ACIN1: variants seen among roughly 807,000 people sequenced by gnomAD.
ACIN1 encodes the protein apoptotic chromatin condensation inducer in the nucleus.
ACIN1 carries 16 observed loss-of-function variants against 146.6 expected under a neutral mutation model. That is an observed-to-expected ratio of 0.11 (90% CI 0.07 to 0.17). ACIN1 has a LOEUF of 0.17. Ranked by LOEUF, ACIN1 falls within the 10% of genes least tolerant of loss-of-function variation. The pLI, the probability that ACIN1 is intolerant of heterozygous loss-of-function variation, is 1.00. For synonymous variants in ACIN1, 569 were observed against 582.7 expected (o/e 0.98, Z 0.34); for missense variants, 1,357 against 1,609.3 (o/e 0.84, Z 2.68).
At chr14:23,069,759 G>A (rs2047572947) in intron 8 of ACIN1, 142 bp from the exon 9 acceptor site, 2 of 736,078 alleles carry the variant, frequency 2.7e-6, no homozygotes, top group Non-Finnish European at 4.3e-6. Context: ...TTCTGATCAA[G>A]GTTAGAGACC....
Position 23,089,968 on chromosome 14 carries a change from A to G in ACIN1, c.436+14T>C. 2.5e-6 allele frequency: 4 copies of G among 1,597,594 alleles called. No individual in the cohort carries two copies. The highest frequency in any genetic ancestry group is 3.4e-6 in the Non-Finnish European group (4 of 1,169,812). On this transcript the variant is annotated intron_variant, in intron 4 of 18. Coordinates refer to ENST00000605057, the MANE Select transcript of ACIN1 (RefSeq NM_001386863.1). ...GGATTGACAAAACAGCGCAGTGGGGAGGGAGATACGTACTGGGCGAATGTC... is the reference window on the plus strand; with the variant it reads ...GGATTGACAAAACAGCGCAGTGGGGGGGGAGATACGTACTGGGCGAATGTC...
At chr14:23,075,440 A>T (rs1369188115) in intron 8 of ACIN1, among the ~76,000 whole-genome samples, 3 of 151,866 alleles carry the variant, frequency 2.0e-5, no homozygotes, top group Non-Finnish European at 4.4e-5. Flanking sequence ...CACTCAACTG[A>T]AACAGGACTG....
chr14:23,071,259 C>G (rs1191015812), intron 8 of ACIN1: 1 of 1,511,706 alleles, frequency 6.6e-7, no homozygotes, highest in African/African-American at 1.4e-5. Flanking sequence ...ACCACACCTT[C>G]CTTGTTCCAA....
At chr14:23,062,803 C>G (rs1043138353) in intron 14 of ACIN1, 126 bp downstream of exon 14, 5 of 1,149,784 alleles carry the variant, frequency 4.3e-6, no homozygotes, top group Admixed American at 2.6e-5. Context: ...GTAACTCACT[C>G]AAGATCAGTG....
Position 23,091,684 on chromosome 14 carries a change from C to T in ACIN1, c.205-1051G>A, listed in dbSNP as rs1009872164. Among the ~76,000 whole-genome samples the T allele has an allele frequency of 2.0e-5, 3 of 148,186 alleles. No individual in the cohort carries two copies. In the Admixed American group the frequency reaches 2.0e-4, roughly 10 times the overall value. On this transcript the variant is annotated intron_variant, in intron 2 of 18. Coordinates refer to ENST00000605057, the MANE Select transcript of ACIN1 (RefSeq NM_001386863.1). ...TGTCATCCAGGCTGGAGAGCAATGG[C>T]GCGATCTTGGCTTGCTGCAACCTCC...
chr14:23,059,041 T>C lies in ACIN1; in HGVS notation c.*107A>G. 9.6e-7 allele frequency: 1 copy of C among 1,036,636 alleles called. No homozygotes were observed. 64.2% of individuals were successfully genotyped at this position (1,036,636 alleles called of 1,614,324 possible). ...TTGGTATGTATGTAGGGATAGGTGATGTGAAAGACCCTTGGCTCCAGGGTG... is the reference window on the plus strand; with the variant it reads ...TTGGTATGTATGTAGGGATAGGTGACGTGAAAGACCCTTGGCTCCAGGGTG... On this transcript the variant is annotated 3_prime_UTR_variant, in exon 19 of 19. Transcript: ENST00000605057.
At position 23,078,898 on chromosome 14, in the gene ACIN1, TGAG is replaced by T. The variant is rs1454969079; in HGVS notation, c.1926_1928del (p.Ser645del). The T allele has an allele frequency of 3.7e-6, 6 of 1,613,976 alleles. No homozygotes were observed. In the Admixed American group the frequency reaches 6.7e-5, roughly 18 times the overall value. On this transcript the variant is annotated inframe_deletion, in exon 7 of 19. Coordinates refer to ENST00000605057, the MANE Select transcript of ACIN1 (RefSeq NM_001386863.1). ...TCAGACGCCTTGCTTGGACAGAGGA[TGAG>T]GAGGTGGAAGTCCTCTCCTTTGGCT...
chr14:23,073,583 A>C (rs1056154687), intron 8 of ACIN1, among the ~76,000 whole-genome samples: 1 of 152,112 alleles, frequency 6.6e-6, no homozygotes, highest in Non-Finnish European at 1.5e-5. Context: ...ACTTGAACCC[A>C]GGATGCAGAG....
chr14:23,071,250 C>G, intron 8 of ACIN1: 3 of 1,513,220 alleles, frequency 2.0e-6, no homozygotes, highest in Non-Finnish European at 2.6e-6. Flanking sequence ...AGAAAAAAAA[C>G]CACACCTTCC....
At chr14:23,075,790 C>T (rs149391212) in intron 8 of ACIN1, among the ~76,000 whole-genome samples, 1,596 of 152,044 alleles carry the variant, frequency 0.01, 16 homozygotes, top group Middle Eastern at 0.024. Context: ...CCGCACCTTC[C>T]GCCTCCCGGG....
chr14:23,081,445 G>A (rs751833980), intron 5 of ACIN1, among the ~76,000 whole-genome samples: 4 of 152,158 alleles, frequency 2.6e-5, no homozygotes, highest in Non-Finnish European at 5.9e-5. Context: ...ACAAAAAGAT[G>A]ACAAAGAGGA....
At chr14:23,071,238 A>G (rs2047637686) in intron 8 of ACIN1, 2 of 1,517,222 alleles carry the variant, frequency 1.3e-6, no homozygotes, top group South Asian at 2.6e-5. Flanking sequence ...TAAAAAAAAT[A>G]AAGAAAAAAA....
At chr14:23,069,648 G>GGGGGGCCC in intron 8 of ACIN1, 31 bp from the exon 9 acceptor site, 1 of 589,380 alleles carries the variant, frequency 1.7e-6, no homozygotes, top group Non-Finnish European at 3.2e-6. Context: ...TGGTGGGGGG[G>GGGGGGCCC]CGGGCAGAAA....
At chr14:23,063,960 G>T in intron 12 of ACIN1, 145 bp downstream of exon 12, 1 of 1,085,948 alleles carries the variant, frequency 9.2e-7, no homozygotes, top group Non-Finnish European at 1.3e-6. Flanking sequence ...GGATTTGGTA[G>T]TCTGACCCCT....
intron 4 of ACIN1, among the ~76,000 whole-genome samples, chr14:23,085,316 C>T (rs542155315): frequency 2.0e-5 from 3 of 152,312 alleles, no homozygotes; most frequent in Admixed American, 2.0e-4. Context: ...GCCTGGGCGA[C>T]AGAGCGAGAC....
Position 23,078,139 on chromosome 14 carries a change from T to TA in ACIN1, c.2123+11dup. 3.1e-6 allele frequency: 5 copies of TA among 1,612,996 alleles called. No homozygotes were observed. Among genetic ancestry groups the TA allele is most frequent in the Non-Finnish European group, 4.2e-6 (5 of 1,179,038 alleles). On this transcript the variant is annotated intron_variant, in intron 8 of 18. Transcript: ENST00000605057. Reference sequence around the variant, plus strand: ...GTTCCCTGTTATACCCCGGTCGAGATATATCACTTACACAGTGTGATGAAT... The same window carrying TA: ...GTTCCCTGTTATACCCCGGTCGAGATAATATCACTTACACAGTGTGATGAAT...
rs954547520 is a variant in ACIN1, at chr14:23,069,177, A to C, written c.2265+299T>G. The C allele has an allele frequency of 6.5e-6, 7 of 1,084,780 alleles. No individual in the cohort carries two copies. In the Admixed American group the frequency reaches 1.6e-4, roughly 24 times the overall value. 67.2% of individuals were successfully genotyped at this position (1,084,780 alleles called of 1,614,324 possible). On this transcript the variant is annotated intron_variant, in intron 9 of 18. Coordinates refer to ENST00000605057, the MANE Select transcript of ACIN1 (RefSeq NM_001386863.1). ...AGAAGCTTGGGAAGACAGCAGGAAA[A>C]GCTGAACATAAATCTTAGATAAAGG...
At chr14:23,075,546 C>T (rs953828360) in intron 8 of ACIN1, among the ~76,000 whole-genome samples, 1 of 151,804 alleles carries the variant, frequency 6.6e-6, no homozygotes, top group South Asian at 2.1e-4. Flanking sequence ...ATGGATTTAA[C>T]CAAACACAGC....
intron 8 of ACIN1, among the ~76,000 whole-genome samples, chr14:23,073,886 T>C (rs1594763808): frequency 6.7e-6 from 1 of 150,112 alleles, no homozygotes; most frequent in African/African-American, 2.5e-5. Flanking sequence ...TTGCCCAGGC[T>C]GGAGTGCAGT....
Sources: allele counts gnomAD v4.1 joint callset (sites outside exome capture counted in the v4.1 genomes callset), GRCh38; gene constraint gnomAD v4.1.1; transcripts MANE v1.5; gene names NCBI Gene and HGNC (gene_info 2026-07-23, HGNC 2026-07-21).